The following TCF25 variants were observed in gnomAD, a reference collection of about 807,000 sequenced individuals.
TCF25 encodes ribosome quality control complex subunit TCF25.
TCF25 carries 41 observed loss-of-function variants against 83.1 expected under a neutral mutation model. That is an observed-to-expected ratio of 0.49 (90% CI 0.38 to 0.64). TCF25 has a LOEUF of 0.64. Among genes scored for constraint, TCF25 ranks in the 30% least tolerant of loss-of-function variants. The pLI is 0.00. For missense variants in TCF25, 979 were observed against 914.5 expected (o/e 1.07, Z -0.91); for synonymous variants, 458 against 365.0 (o/e 1.25, Z -2.90).
Position 89,898,628 on chromosome 16 carries a change from A to AGT in TCF25, c.1095_1096dup (p.Tyr366CysfsTer7), listed in dbSNP as rs749152783. The AGT allele has an allele frequency of 1.2e-6, 2 of 1,612,938 alleles. No individual in the cohort carries two copies. Among genetic ancestry groups the AGT allele is most frequent in the Non-Finnish European group, 1.7e-6 (2 of 1,180,010 alleles). The stretch of plus-strand genomic sequence containing the variant: ...CGAGGCTGCCCGCGCACGGCGCTGG[A>AGT]GTACTGCAAGCTCATCCTGAGGTGA... On this transcript the variant is annotated frameshift_variant, in exon 10 of 18. Transcript: ENST00000263346. LOFTEE classifies it high-confidence loss of function.
intron 2 of TCF25, 74 bp from the exon 3 acceptor site, chr16:89,884,508 C>A: frequency 1.3e-6 from 2 of 1,521,064 alleles, no homozygotes; most frequent in Admixed American, 1.8e-5. Flanking sequence ...GGTGGAGTCA[C>A]GCTTGCTGCT....
chr16:89,900,871 G>C, intron 12 of TCF25, 77 bp downstream of exon 12: 1 of 1,399,594 alleles, frequency 7.1e-7, no homozygotes. Context: ...TGGTGGTGGA[G>C]GCCAGGTCCC....
Position 89,911,101 on chromosome 16 carries a change from G to C in TCF25, c.1894G>C (p.Val632Leu). The change falls in exon 18 of 18, where the codon GTG (valine) becomes CTG (leucine). Residue 632 changes from valine to leucine, a missense_variant. Physicochemically the swap from Val to Leu is conservative, Grantham distance 32. Transcript: ENST00000263346. Reference sequence around the variant, plus strand: ...GCAGGGGGAGAGGCCCGAGGAAGGAGTGGCTGGGGGTCTGAACCGCAACCA... The same window carrying C: ...GCAGGGGGAGAGGCCCGAGGAAGGACTGGCTGGGGGTCTGAACCGCAACCA... ...TMEGERPEEG[V>L]AGGLNRNQGL... is the part of the protein sequence containing the mutation. 1 of 1,611,260 alleles carries C rather than the reference G, an allele frequency of 6.2e-7. No homozygotes were observed. Among genetic ancestry groups the C allele is most frequent in the South Asian group, 1.1e-5 (1 of 91,012 alleles).
intron 5 of TCF25, chr16:89,889,244 G>C (rs2043245473): frequency 2.5e-6 from 1 of 399,370 alleles, no homozygotes; most frequent in South Asian, 1.9e-5. Context: ...GGTCTTGCTG[G>C]GTTGTCCAGT....
rs781481877 is a variant in TCF25 at position 89,873,730 on chromosome 16, C to T, written c.63C>T (p.Pro21=). The change falls in exon 1 of 18, where the codon CCC becomes CCT. Residue 21 remains proline (P), a synonymous_variant. Transcript: ENST00000263346. ...GEQRGQEPLG[P]GALHFDLRDD... is the part of the protein sequence containing the mutation. ...AGCGCGGCCAGGAGCCCCTCGGGCC[C>T]GGCGCCTTGCATTTCGATCTCCGTG... The T allele has an allele frequency of 2.5e-6, 4 of 1,611,488 alleles. No individual in the cohort carries two copies. In the Admixed American group the frequency reaches 6.7e-5, roughly 27 times the overall value.
At chr16:89,905,929 T>TA (rs1314155442) in intron 14 of TCF25, among the ~76,000 whole-genome samples, 1 of 152,228 alleles carries the variant, frequency 6.6e-6, no homozygotes, top group Non-Finnish European at 1.5e-5. Flanking sequence ...AGCCACTGGC[T>TA]ACGGCTCTCA....
At position 89,911,128 on chromosome 16, in the gene TCF25, G is replaced by C. The variant is rs2045519854; in HGVS notation, c.1921G>C (p.Gly641Arg). The stretch of plus-strand genomic sequence containing the variant: ...GGCTGGGGGTCTGAACCGCAACCAG[G>C]GCCTGAACAGGCTGATGCTGGCTGT... ...GVAGGLNRNQ[G>R]LNRLMLAVRD... Residue 641 changes from glycine to arginine, a missense_variant, in exon 18 of 18, where the codon GGC becomes CGC. Physicochemically the swap from Gly to Arg is moderately radical, Grantham distance 125. Coordinates refer to ENST00000263346, the MANE Select transcript of TCF25 (RefSeq NM_014972.3). The C allele has an allele frequency of 6.2e-7, 1 of 1,611,710 alleles. No individual in the cohort carries two copies. The highest frequency in any genetic ancestry group is 1.1e-5 in the South Asian group (1 of 91,026).
rs771372854 is a variant in TCF25 at position 89,911,158 on chromosome 16, G to A, written c.1951G>A (p.Asp651Asn). 5.0e-6 allele frequency: 8 copies of A among 1,612,144 alleles called. No individual in the cohort carries two copies. In the South Asian group the frequency reaches 5.5e-5, roughly 11 times the overall value. Residue 651 changes from aspartate to asparagine, a missense_variant, in exon 18 of 18, where the codon GAC becomes AAC. Coordinates refer to ENST00000263346, the MANE Select transcript of TCF25 (RefSeq NM_014972.3). Reference protein sequence around the residue: ...GLNRLMLAVRDMMANFHLNDL... With the variant: ...GLNRLMLAVRNMMANFHLNDL... Reference sequence around the variant, plus strand: ...GAACAGGCTGATGCTGGCTGTGCGCGACATGATGGCCAACTTCCACCTCAA... The same window carrying A: ...GAACAGGCTGATGCTGGCTGTGCGCAACATGATGGCCAACTTCCACCTCAA...
At chr16:89,882,751 T>C (rs933221935) in intron 1 of TCF25, among the ~76,000 whole-genome samples, 2 of 152,156 alleles carry the variant, frequency 1.3e-5, no homozygotes, top group African/African-American at 4.8e-5. Context: ...TGTGCCTGGC[T>C]AATTTTTGTG....
Position 89,906,224 on chromosome 16 carries a change from G to A in TCF25, c.1659G>A (p.Arg553=). 6.2e-7 allele frequency: 1 copy of A among 1,613,430 alleles called. No individual in the cohort carries two copies. Among genetic ancestry groups the A allele is most frequent in the Non-Finnish European group, 8.5e-7 (1 of 1,179,996 alleles). The change falls in exon 15 of 18, where the codon AGG becomes AGA. Residue 553 remains arginine, a synonymous_variant. Transcript: ENST00000263346. ...AGGTGCTCTACCAGCGTGCACCCAGGAATATCCACCGCCATGTGATCCTCT... is the reference window on the plus strand; with the variant it reads ...AGGTGCTCTACCAGCGTGCACCCAGAAATATCCACCGCCATGTGATCCTCT... ...RRKVLYQRAP[R]NIHRHVILSE... is the part of the protein sequence containing the mutation.
intron 1 of TCF25, among the ~76,000 whole-genome samples, chr16:89,879,261 C>T (rs1057049509): frequency 4.7e-5 from 7 of 149,238 alleles, no homozygotes; most frequent in South Asian, 2.1e-4. Flanking sequence ...AGATGGGCTT[C>T]GGGGCCTGTC....
chr16:89,910,913 A>G (rs1437846046), intron 17 of TCF25, among the ~76,000 whole-genome samples, 167 bp from the exon 18 acceptor site: 1 of 152,202 alleles, frequency 6.6e-6, no homozygotes, highest in Non-Finnish European at 1.5e-5. Context: ...TGGTCTAGAC[A>G]CGGCATTTGG....
intron 17 of TCF25, 42 bp from the exon 18 acceptor site, chr16:89,911,038 A>G (rs1226989276): frequency 1.6e-5 from 25 of 1,605,970 alleles, no homozygotes; most frequent in Non-Finnish European, 2.1e-5. Flanking sequence ...CCCTAGTCCC[A>G]GCACAGACAG....
At chr16:89,895,618 T>A (rs2043791818) in intron 8 of TCF25, among the ~76,000 whole-genome samples, 1 of 152,242 alleles carries the variant, frequency 6.6e-6, no homozygotes, top group Admixed American at 6.5e-5. Context: ...ACGGACCACA[T>A]GTTGTGTATC....
At chr16:89,910,116 T>G (rs2045427829) in intron 16 of TCF25, 1 of 159,234 alleles carries the variant, frequency 6.3e-6, no homozygotes, top group Non-Finnish European at 1.4e-5. Flanking sequence ...AGCCCAGGCT[T>G]TCGCCCTCCC....
At chr16:89,878,297 A>C (rs1198411074) in intron 1 of TCF25, among the ~76,000 whole-genome samples, 1 of 151,254 alleles carries the variant, frequency 6.6e-6, no homozygotes, top group Non-Finnish European at 1.5e-5. Context: ...AAAAAAAGAC[A>C]ACCTCAGGCT....
At chr16:89,909,880 G>A (rs568297495) in intron 16 of TCF25, 283 of 152,650 alleles carry the variant, frequency 1.9e-3, no homozygotes, top group Non-Finnish European at 3.1e-3. Flanking sequence ...TGGCCAGACC[G>A]GGAGAGCAGG....
At position 89,885,748 on chromosome 16, in the gene TCF25, C is replaced by T. The variant is rs1048046909; in HGVS notation, c.430-100C>T. On this transcript the variant is annotated intron_variant, in intron 3 of 17. Coordinates refer to ENST00000263346, the MANE Select transcript of TCF25 (RefSeq NM_014972.3). ...TATGCTGTCCTTTAGGAAGTAAATA[C>T]AGTGTAATAGGTCTCTTTTAAGATA... The T allele has an allele frequency of 4.2e-6, 4 of 948,744 alleles. No homozygotes were observed. In the African/African-American group the frequency reaches 6.6e-5, roughly 16 times the overall value. The allele number at this position is 948,744 out of a possible 1,614,324, so 58.8% of individuals were successfully genotyped here.
Position 89,896,756 on chromosome 16 carries a change from G to C in TCF25, c.1022+673G>C, listed in dbSNP as rs892625349. Among the ~76,000 whole-genome samples, 7 of 152,024 alleles carry C rather than the reference G, an allele frequency of 4.6e-5. No homozygotes were observed. The South Asian group carries it at 6.2e-4, about 13-fold the overall frequency. ...TTTCTAGTAGAGACGAGGTTTCACT[G>C]TGTTGGCCAGGATGGTCTCCATCTC... On this transcript the variant is annotated intron_variant, in intron 9 of 17. Transcript: ENST00000263346.
Sources: gnomAD v4.1 joint callset for allele counts (sites outside exome capture counted in the v4.1 genomes callset) on GRCh38, gnomAD v4.1.1 for gene constraint, MANE v1.5 for transcripts, NCBI Gene and HGNC (gene_info 2026-07-23, HGNC 2026-07-21) for gene names.